The following TSGA10 variants were observed in gnomAD, a reference collection of about 807,000 sequenced individuals.
TSGA10 encodes testis specific 10, also known as testis-specific gene 10 protein.
Under a neutral mutation model 96.6 loss-of-function variants are expected in TSGA10, and 43 were observed. That is an observed-to-expected ratio of 0.44 (90% CI 0.35 to 0.57). The LOEUF (loss-of-function observed/expected upper bound fraction) is 0.57, where lower values mean the gene tolerates loss of function less well. Among genes scored for constraint, TSGA10 ranks in the 20% least tolerant of loss-of-function variants. The probability of loss-of-function intolerance (pLI) is 0.01; values close to 1 mark genes in which losing one functional copy is unlikely to be tolerated. For missense variants in TSGA10, 703 were observed against 834.4 expected (o/e 0.84, Z 1.94); for synonymous variants, 229 against 269.9 (o/e 0.85, Z 1.48).
chr2:99,039,260 G>A (rs1039820450), intron 16 of TSGA10, among the ~76,000 whole-genome samples: 2 of 134,796 alleles, frequency 1.5e-5, no homozygotes, highest in Non-Finnish European at 3.2e-5. Context: ...AAACCCCGCA[G>A]AAGAAAAGAA....
intron 7 of TSGA10, among the ~76,000 whole-genome samples, chr2:99,106,206 C>T (rs866661329): frequency 6.6e-6 from 1 of 152,174 alleles, no homozygotes; most frequent in Non-Finnish European, 1.5e-5. Flanking sequence ...CAAATCTATT[C>T]CAAACCTGCA....
intron 1 of TSGA10, chr2:99,141,343 C>G: frequency 4.2e-6 from 1 of 239,144 alleles, no homozygotes; most frequent in Non-Finnish European, 8.3e-6. Flanking sequence ...ACGCTCTGTA[C>G]CGGAGTGGGG....
intron 10 of TSGA10, among the ~76,000 whole-genome samples, chr2:99,093,168 T>C (rs893528821): frequency 3.9e-5 from 6 of 152,080 alleles, no homozygotes; most frequent in African/African-American, 1.2e-4. Context: ...ATCATCTCAA[T>C]AGATGGAGAA....
intron 16 of TSGA10, among the ~76,000 whole-genome samples, chr2:99,042,969 G>T (rs1192331981): frequency 6.6e-6 from 1 of 152,084 alleles, no homozygotes; most frequent in Non-Finnish European, 1.5e-5. Context: ...AAAGTGCTGG[G>T]ATTACAGGGA....
chr2:99,050,762 A>G (rs754133734), intron 16 of TSGA10, among the ~76,000 whole-genome samples: 4 of 152,174 alleles, frequency 2.6e-5, no homozygotes, highest in African/African-American at 9.6e-5. Context: ...ACAAAAAGGC[A>G]TAAGTCATAT....
chr2:99,052,194 A>G (rs888820136), intron 16 of TSGA10, among the ~76,000 whole-genome samples: 5 of 151,958 alleles, frequency 3.3e-5, no homozygotes, highest in African/African-American at 1.2e-4. Flanking sequence ...TGAAACTAAG[A>G]GTTGATTTCT....
intron 1 of TSGA10, among the ~76,000 whole-genome samples, chr2:99,145,914 T>A (rs892495287): frequency 6.6e-6 from 1 of 152,024 alleles, no homozygotes; most frequent in Non-Finnish European, 1.5e-5. Flanking sequence ...GGAGGATTGC[T>A]TGAGTACAGG....
intron 7 of TSGA10, among the ~76,000 whole-genome samples, chr2:99,106,428 T>C (rs2091340226): frequency 6.6e-6 from 1 of 152,104 alleles, no homozygotes; most frequent in Non-Finnish European, 1.5e-5. Flanking sequence ...TCTTGAATAG[T>C]ACCCTCTCCA....
In TSGA10 at chr2:99,145,022, G is replaced by A. The variant is rs915025986; in HGVS notation, c.-621+9671C>T. On this transcript the variant is annotated intron_variant, in intron 1 of 20. Transcript: ENST00000393483. ...AAGCAACACAAATTTATTATCACAC[G>A]GTTCTGGAGATTTACAAGTTCAAAT... 3.9e-5 allele frequency among the ~76,000 whole-genome samples: 6 copies of A among 152,126 alleles called. No homozygotes were observed. The East Asian group carries it at 1.2e-3, about 29-fold the overall frequency.
At chr2:99,101,021 T>C (rs2090650967) in intron 10 of TSGA10, among the ~76,000 whole-genome samples, 1 of 149,424 alleles carries the variant, frequency 6.7e-6, no homozygotes, top group Non-Finnish European at 1.5e-5. Context: ...CCCAGCACTT[T>C]GGAAGGCCAA....
At chr2:99,141,150 G>A (rs2093532197) in intron 1 of TSGA10, 3 of 1,269,726 alleles carry the variant, frequency 2.4e-6, no homozygotes, top group African/African-American at 1.6e-5. Context: ...CCCCGCGACT[G>A]TCAGCTCTCG....
chr2:99,148,456 T>A (rs934376981), intron 1 of TSGA10: 3 of 152,194 alleles, frequency 2.0e-5, no homozygotes, highest in Non-Finnish European at 4.4e-5. Context: ...TTTACCTAAT[T>A]GTTATATTAA....
At chr2:99,115,241 A>G (rs997852026) in intron 4 of TSGA10, among the ~76,000 whole-genome samples, 2 of 152,100 alleles carry the variant, frequency 1.3e-5, no homozygotes, top group Non-Finnish European at 2.9e-5. Context: ...CCCAATTTTG[A>G]TAATTTTTAT....
At chr2:99,090,813 C>T (rs1030928216) in intron 10 of TSGA10, among the ~76,000 whole-genome samples, 45 of 152,188 alleles carry the variant, frequency 3.0e-4, no homozygotes, top group East Asian at 9.7e-4. Context: ...TGGCATCCTG[C>T]GGAAGAAGAG....
intron 10 of TSGA10, among the ~76,000 whole-genome samples, chr2:99,103,189 C>T (rs940178844): frequency 6.6e-6 from 1 of 151,778 alleles, no homozygotes; most frequent in Non-Finnish European, 1.5e-5. Context: ...TCTTAAGTTC[C>T]GGGGTACATG....
At chr2:99,079,605 G>A (rs930456522) in intron 11 of TSGA10, among the ~76,000 whole-genome samples, 2 of 152,126 alleles carry the variant, frequency 1.3e-5, no homozygotes, top group Non-Finnish European at 2.9e-5. Context: ...TCGTCTAGAG[G>A]AGTTTACCTA....
intron 15 of TSGA10, among the ~76,000 whole-genome samples, chr2:99,067,080 CTCCTT>C (rs2085342287): frequency 6.6e-6 from 1 of 152,184 alleles, no homozygotes; most frequent in Non-Finnish European, 1.5e-5. Context: ...TTTCTTACCT[CTCCTT>C]TATCATCCAC....
At chr2:99,099,098 AG>A (rs904285569) in intron 10 of TSGA10, among the ~76,000 whole-genome samples, 31 of 152,324 alleles carry the variant, frequency 2.0e-4, no homozygotes, top group Admixed American at 3.9e-4. Context: ...GGATCACCTG[AG>A]GTCGGGAGTT....
chr2:99,092,934 G>A (rs1214289207), intron 10 of TSGA10, among the ~76,000 whole-genome samples: 1 of 151,950 alleles, frequency 6.6e-6, no homozygotes, highest in African/African-American at 2.4e-5. Context: ...ACCAAAACCA[G>A]GAAAGGACAT....
Sources: allele counts gnomAD v4.1 joint callset (sites outside exome capture counted in the v4.1 genomes callset), GRCh38; gene constraint gnomAD v4.1.1; transcripts MANE v1.5; gene names NCBI Gene and HGNC (gene_info 2026-07-23, HGNC 2026-07-21).